The following ZC4H2 variants were observed in gnomAD, a reference collection of about 807,000 sequenced individuals.
ZC4H2 encodes the protein zinc finger C4H2 domain-containing protein.
For synonymous variants in ZC4H2, 84 were observed against 66.3 expected (o/e 1.27, Z -1.30); for missense variants, 137 against 173.9 (o/e 0.79, Z 1.19).
At chrX:64,970,550 G>T (rs1931747667) in intron 1 of ZC4H2, among the ~76,000 whole-genome samples, 1 of 110,749 alleles carries the variant, frequency 9.0e-6, no homozygotes, top group Admixed American at 9.6e-5. Flanking sequence ...GGAAGGAAGG[G>T]AGGATATCAA....
chrX:65,016,363 G>A (rs1321498167), intron 1 of ZC4H2, among the ~76,000 whole-genome samples: 1 of 111,758 alleles, frequency 8.9e-6, no homozygotes, highest in Non-Finnish European at 1.9e-5. Flanking sequence ...TTACCCTAGG[G>A]AAAGTATTGA....
intron 1 of ZC4H2, among the ~76,000 whole-genome samples, chrX:64,946,371 C>A (rs978486143): frequency 3.6e-5 from 4 of 111,150 alleles, no homozygotes; most frequent in Admixed American, 1.9e-4. Context: ...GTCCTTTGCA[C>A]TTCCTGGGTA....
intron 1 of ZC4H2, among the ~76,000 whole-genome samples, chrX:64,926,121 G>A (rs977528459): frequency 8.9e-6 from 1 of 111,956 alleles, no homozygotes; most frequent in Non-Finnish European, 1.9e-5. Context: ...TGTCACTGCA[G>A]GCTTTGATGG....
intron 1 of ZC4H2, among the ~76,000 whole-genome samples, chrX:64,952,554 A>G (rs1157047530): frequency 1.8e-5 from 2 of 111,113 alleles, no homozygotes; most frequent in East Asian, 5.7e-4. Context: ...ATCATGAGTG[A>G]ACTCCCTTTC....
At chrX:64,946,565 G>A (rs67640027) in intron 1 of ZC4H2, among the ~76,000 whole-genome samples, 13,087 of 92,499 alleles carry the variant, frequency 0.14, 2,072 homozygotes, top group African/African-American at 0.46. Context: ...AAACCCCTTG[G>A]TTGTTTTAAA....
At chrX:64,953,058 A>T (rs758448823) in intron 1 of ZC4H2, among the ~76,000 whole-genome samples, 1 of 111,867 alleles carries the variant, frequency 8.9e-6, no homozygotes, top group Non-Finnish European at 1.9e-5. Context: ...CCTGACAAAA[A>T]CAAGCAATGG....
chrX:64,982,423 C>A (rs1932100598), intron 1 of ZC4H2, among the ~76,000 whole-genome samples: 1 of 112,249 alleles, frequency 8.9e-6, no homozygotes, highest in Non-Finnish European at 1.9e-5. Context: ...TATGAGAAAG[C>A]ACCTAGCACA....
At chrX:64,989,316 G>A (rs1005022084) in intron 1 of ZC4H2, among the ~76,000 whole-genome samples, 5 of 111,791 alleles carry the variant, frequency 4.5e-5, no homozygotes, top group Non-Finnish European at 9.4e-5. Context: ...GGGCAGTATG[G>A]CCATTTTCAC....
chrX:64,929,285 C>A (rs1929630245), intron 1 of ZC4H2, among the ~76,000 whole-genome samples: 1 of 111,137 alleles, frequency 9.0e-6, no homozygotes, highest in Admixed American at 9.6e-5. Flanking sequence ...TTGTCAGATG[C>A]ATAGTTTGCA....
At chrX:64,944,853 T>C (rs1158284637) in intron 1 of ZC4H2, among the ~76,000 whole-genome samples, 1 of 112,545 alleles carries the variant, frequency 8.9e-6, no homozygotes, top group East Asian at 2.8e-4. Flanking sequence ...ATATCTTTTC[T>C]TCTGCTTCAT....
intron 1 of ZC4H2, among the ~76,000 whole-genome samples, chrX:64,935,269 C>A (rs1233345913): frequency 8.9e-6 from 1 of 111,787 alleles, no homozygotes; most frequent in East Asian, 2.8e-4. Flanking sequence ...GGCCAGACTG[C>A]CAGATTTCTC....
chrX:64,992,841 G>A (rs1391103075), intron 1 of ZC4H2, among the ~76,000 whole-genome samples: 4 of 111,628 alleles, frequency 3.6e-5, no homozygotes, highest in Non-Finnish European at 7.5e-5. Flanking sequence ...TGCACCTCCT[G>A]GATGCAGACT....
At chrX:65,002,104 T>C (rs1005430476) in intron 1 of ZC4H2, among the ~76,000 whole-genome samples, 1 of 111,639 alleles carries the variant, frequency 9.0e-6, no homozygotes, top group South Asian at 3.8e-4. Flanking sequence ...AATAGACATC[T>C]ATAGAATTCT....
chrX:64,930,360 TTC>T (rs1929685374), intron 1 of ZC4H2, among the ~76,000 whole-genome samples: 1 of 111,977 alleles, frequency 8.9e-6, no homozygotes, highest in Non-Finnish European at 1.9e-5. Flanking sequence ...TGCTCTTTAC[TTC>T]TTTCTCTTGT....
intron 1 of ZC4H2, among the ~76,000 whole-genome samples, chrX:64,946,458 C>T (rs1021451135): frequency 3.6e-5 from 4 of 109,918 alleles, no homozygotes; most frequent in East Asian, 2.9e-4. Flanking sequence ...CGAGAGGAAC[C>T]GGGTACCTCA....
chrX:65,017,213 G>C (rs1932803238), intron 1 of ZC4H2, among the ~76,000 whole-genome samples: 1 of 111,891 alleles, frequency 8.9e-6, no homozygotes, highest in Non-Finnish European at 1.9e-5. Context: ...TGTGAGGGAA[G>C]ACCCATGAGT....
intron 1 of ZC4H2, among the ~76,000 whole-genome samples, chrX:64,968,719 C>T (rs902064922): frequency 5.4e-5 from 6 of 111,901 alleles, no homozygotes; most frequent in South Asian, 3.8e-4. Flanking sequence ...AGGGTTTCTA[C>T]AGTCACCAGG....
intron 1 of ZC4H2, among the ~76,000 whole-genome samples, chrX:65,029,803 T>C (rs1278490454): frequency 1.8e-5 from 2 of 110,351 alleles, no homozygotes; most frequent in African/African-American, 6.6e-5. Flanking sequence ...AAGTCACCAG[T>C]TGGGTGGCAG....
intron 1 of ZC4H2, among the ~76,000 whole-genome samples, chrX:65,007,357 G>C (rs749928197): frequency 8.9e-6 from 1 of 112,034 alleles, no homozygotes. Context: ...TTTTGTTACT[G>C]TTTTTATTTA....
Sources: gnomAD v4.1 joint callset for allele counts (sites outside exome capture counted in the v4.1 genomes callset) on GRCh38, gnomAD v4.1.1 for gene constraint, MANE v1.5 for transcripts, NCBI Gene and HGNC (gene_info 2026-07-23, HGNC 2026-07-21) for gene names.